The following SH3PXD2A variants were observed in gnomAD, a reference collection of about 807,000 sequenced individuals.
SH3PXD2A encodes SH3 and PX domain-containing protein 2A.
SH3PXD2A carries 32 observed loss-of-function variants against 115.2 expected under a neutral mutation model. The ratio of observed to expected loss-of-function variants is 0.28; its 90% CI spans 0.21 to 0.37. The LOEUF is 0.37. Among genes scored for constraint, SH3PXD2A ranks in the 10% least tolerant of loss-of-function variants. The pLI is 1.00. For missense variants in SH3PXD2A, 1,328 were observed against 1,498.7 expected, an observed-to-expected ratio of 0.89 and a Z score of 1.88; for synonymous variants, 610 against 629.1, an observed-to-expected ratio of 0.97 and a Z score of 0.45.
intron 1 of SH3PXD2A, among the ~76,000 whole-genome samples, chr10:103,823,508 T>G (rs1459924976): frequency 6.6e-6 from 1 of 152,226 alleles, no homozygotes; most frequent in Non-Finnish European, 1.5e-5. Flanking sequence ...GCAAGTTCCA[T>G]GTGCTAGGCT....
At chr10:103,637,765 G>A (rs1376973012) in intron 8 of SH3PXD2A, among the ~76,000 whole-genome samples, 2 of 152,134 alleles carry the variant, frequency 1.3e-5, no homozygotes, top group Admixed American at 6.5e-5. Flanking sequence ...AGAAAGGGCT[G>A]AGGGCATCCT....
intron 4 of SH3PXD2A, among the ~76,000 whole-genome samples, chr10:103,729,751 G>A (rs1312101447): frequency 1.3e-5 from 2 of 152,210 alleles, no homozygotes; most frequent in Admixed American, 6.5e-5. Flanking sequence ...TAACTGGGTC[G>A]CGGGGACTGG....
intron 2 of SH3PXD2A, among the ~76,000 whole-genome samples, chr10:103,786,495 C>T (rs913439202): frequency 2.0e-5 from 3 of 152,134 alleles, no homozygotes; most frequent in East Asian, 1.9e-4. Flanking sequence ...CGAGACCCCC[C>T]ATCTCTACAA....
At chr10:103,704,583 G>T (rs987368878) in intron 5 of SH3PXD2A, among the ~76,000 whole-genome samples, 2 of 152,222 alleles carry the variant, frequency 1.3e-5, no homozygotes, top group Non-Finnish European at 2.9e-5. Flanking sequence ...CCTCGATGCT[G>T]GACCAAGAGG....
intron 3 of SH3PXD2A, among the ~76,000 whole-genome samples, chr10:103,744,677 T>C (rs1373119130): frequency 6.6e-6 from 1 of 152,154 alleles, no homozygotes; most frequent in Non-Finnish European, 1.5e-5. Flanking sequence ...TGCCATTTAC[T>C]TGGGCTGGGG....
chr10:103,610,770 A>G (rs1288221514), intron 13 of SH3PXD2A, among the ~76,000 whole-genome samples: 1 of 152,182 alleles, frequency 6.6e-6, no homozygotes, highest in Admixed American at 6.5e-5. Flanking sequence ...TCCTTACAAC[A>G]GCCCTAAGAG....
intron 6 of SH3PXD2A, among the ~76,000 whole-genome samples, chr10:103,670,536 C>T (rs1031874990): frequency 6.6e-6 from 1 of 152,154 alleles, no homozygotes; most frequent in African/African-American, 2.4e-5. Context: ...ATGCCCCCGG[C>T]CTGCAAGGAC....
intron 6 of SH3PXD2A, among the ~76,000 whole-genome samples, chr10:103,670,018 T>C (rs1368934618): frequency 6.6e-6 from 1 of 152,198 alleles, no homozygotes; most frequent in African/African-American, 2.4e-5. Context: ...ATCACACAGC[T>C]AGTACAGCAG....
chr10:103,705,246 C>T (rs1335177264), intron 5 of SH3PXD2A, among the ~76,000 whole-genome samples: 2 of 152,184 alleles, frequency 1.3e-5, no homozygotes, highest in African/African-American at 4.8e-5. Context: ...GGTCCCGGAG[C>T]AGGCTTGTGC....
chr10:103,818,508 A>G (rs1284864414), intron 1 of SH3PXD2A, among the ~76,000 whole-genome samples: 1 of 152,150 alleles, frequency 6.6e-6, no homozygotes, highest in Non-Finnish European at 1.5e-5. Context: ...GAGAATTGGA[A>G]AGAACTGATT....
intron 1 of SH3PXD2A, among the ~76,000 whole-genome samples, chr10:103,845,322 C>A (rs1842833264): frequency 1.0e-5 from 1 of 98,448 alleles, no homozygotes; most frequent in African/African-American, 4.2e-5. Flanking sequence ...CAGAGCGAGA[C>A]TTCATCTCAA....
chr10:103,728,305 T>C (rs1400809058), intron 4 of SH3PXD2A, among the ~76,000 whole-genome samples: 1 of 152,224 alleles, frequency 6.6e-6, no homozygotes, highest in Non-Finnish European at 1.5e-5. Context: ...CCGAGCACAG[T>C]GGCTGGTGAA....
chr10:103,722,774 C>T (rs1362935171), intron 5 of SH3PXD2A, among the ~76,000 whole-genome samples: 2 of 152,152 alleles, frequency 1.3e-5, no homozygotes, highest in African/African-American at 4.8e-5. Flanking sequence ...GACGTGAACT[C>T]AATACTTTGC....
Position 103,801,333 on chromosome 10 carries a change from G to A in SH3PXD2A, c.102C>T (p.Asp34=), listed in dbSNP as rs2039144732. ...TCCGGTAGATAGTCTGGGAGGTGGA[G>A]TCAGACCAGGTCACATTGATTATGT... ...YVYIINVTWS[D]STSQTIYRRY... The change falls in exon 2 of 15, where the codon GAC becomes GAT. Residue 34 remains aspartate, a synonymous_variant. Transcript: ENST00000369774. 6.2e-7 allele frequency: 1 copy of A among 1,611,238 alleles called. No individual in the cohort carries two copies. Among genetic ancestry groups the A allele is most frequent in the East Asian group, 2.2e-5 (1 of 44,868 alleles).
intron 5 of SH3PXD2A, among the ~76,000 whole-genome samples, chr10:103,707,225 C>T (rs1359753428): frequency 1.3e-5 from 2 of 149,848 alleles, no homozygotes; most frequent in East Asian, 3.9e-4. Flanking sequence ...GAGATGGAGT[C>T]TAGCTCTGTT....
At chr10:103,767,815 T>G (rs12780290) in intron 2 of SH3PXD2A, among the ~76,000 whole-genome samples, 41 of 90,848 alleles carry the variant, frequency 4.5e-4, no homozygotes, top group African/African-American at 1.1e-3. Context: ...GTTTTGTTTT[T>G]TTTTTTTTTT....
rs554926806 is a variant in SH3PXD2A, at chr10:103,783,953, A to G, written c.154-16784T>C. ...CTTCTAATGAGGCTCTCCTTGGGGG[A>G]AAAACTGCCTCCTGCCAGGGACCTG... On this transcript the variant is annotated intron_variant, in intron 2 of 14. Coordinates refer to ENST00000369774, the MANE Select transcript of SH3PXD2A (RefSeq NM_001394015.1). Among the ~76,000 whole-genome samples, 1,502 of 152,246 alleles carry G rather than the reference A, an allele frequency of 9.9e-3. 6 individuals carry two copies. The highest frequency in any genetic ancestry group is 0.014 in the Non-Finnish European group (947 of 67,988).
chr10:103,661,540 C>T (rs1348109390), intron 7 of SH3PXD2A: 3 of 566,264 alleles, frequency 5.3e-6, no homozygotes, highest in Non-Finnish European at 6.7e-6. Context: ...TCGGGGAGGG[C>T]GGCGAGCCAG....
At chr10:103,609,584 TG>T (rs2036394125) in intron 13 of SH3PXD2A, 1 of 152,212 alleles carries the variant, frequency 6.6e-6, no homozygotes, top group African/African-American at 2.4e-5. Context: ...AACAACTGTT[TG>T]TTGTGTGTCT....
Sources: gnomAD v4.1 joint callset for allele counts (sites outside exome capture counted in the v4.1 genomes callset) on GRCh38, gnomAD v4.1.1 for gene constraint, MANE v1.5 for transcripts, NCBI Gene and HGNC (gene_info 2026-07-23, HGNC 2026-07-21) for gene names.